MAP3K8: variants seen among roughly 807,000 people sequenced by gnomAD.
MAP3K8 encodes mitogen-activated protein kinase kinase kinase 8.
A neutral mutation model predicts 45.8 loss-of-function variants in MAP3K8; 22 were observed. That is an observed-to-expected ratio of 0.48 (90% confidence interval 0.34 to 0.69). The LOEUF is 0.69. Ranked by LOEUF, MAP3K8 falls within the 30% of genes least tolerant of loss-of-function variation. The pLI is 0.01. For synonymous variants in MAP3K8, 223 were observed against 214.3 expected (o/e 1.04, Z -0.36); for missense variants, 419 against 585.0 (o/e 0.72, Z 2.93).
At chr10:30,438,645 C>T (rs1437596911) in intron 2 of MAP3K8, among the ~76,000 whole-genome samples, 2 of 152,120 alleles carry the variant, frequency 1.3e-5, no homozygotes, top group Non-Finnish European at 2.9e-5. Flanking sequence ...GTTTTCAGTG[C>T]CTGTAGCTGA....
chr10:30,450,123 C>T (rs1271856824), intron 4 of MAP3K8, 135 bp from the exon 5 acceptor site: 2 of 665,526 alleles, frequency 3.0e-6, no homozygotes, highest in Non-Finnish European at 4.9e-6. Flanking sequence ...TGTAACTGGG[C>T]AGTCCATTTT....
In MAP3K8 at chr10:30,439,015, T is replaced by C; in HGVS notation, c.77T>C (p.Val26Ala). 6.2e-7 allele frequency: 1 copy of C among 1,610,478 alleles called. No homozygotes were observed. The highest frequency in any genetic ancestry group is 8.5e-7 in the Non-Finnish European group (1 of 1,176,616). The change falls in exon 3 of 9, where the codon GTA becomes GCA. Residue 26 changes from valine to alanine, a missense_variant. Coordinates refer to ENST00000263056, the MANE Select transcript of MAP3K8 (RefSeq NM_005204.4). ...LLIKHLNVSD[V>A]IDIMENLYAS... ...ATTAAACATTTAAATGTGTCTGATG[T>C]AATAGACATTATGGAAAATCTTTAT...
In MAP3K8 at chr10:30,434,190, C is replaced by G. The variant is rs1835838004; in HGVS notation, c.-443C>G. 6.5e-6 allele frequency: 1 copy of G among 152,930 alleles called. No individual in the cohort carries two copies. Among genetic ancestry groups the G allele is most frequent in the African/African-American group, 2.4e-5 (1 of 41,460 alleles). The allele number at this position is 152,930 out of a possible 1,614,324, so 9.5% of individuals were successfully genotyped here. ...TGCGGGCGACGCGGGTCTCACTCGTCCGCTCCGCTCTGGACTGCGCGCCAC... is the reference window on the plus strand; with the variant it reads ...TGCGGGCGACGCGGGTCTCACTCGTGCGCTCCGCTCTGGACTGCGCGCCAC... On this transcript the variant is annotated 5_prime_UTR_variant, in exon 1 of 9. Transcript: ENST00000263056.
At chr10:30,441,820 G>C (rs1291827265) in intron 3 of MAP3K8, among the ~76,000 whole-genome samples, 2 of 152,178 alleles carry the variant, frequency 1.3e-5, no homozygotes, top group Non-Finnish European at 2.9e-5. Flanking sequence ...AGTAGTGAGG[G>C]AGGCAAGGCT....
intron 3 of MAP3K8, among the ~76,000 whole-genome samples, chr10:30,442,191 T>C (rs1483936546): frequency 1.3e-5 from 2 of 152,226 alleles, no homozygotes; most frequent in Non-Finnish European, 2.9e-5. Flanking sequence ...TAGGCAGTTA[T>C]AGCAGAGTAT....
rs149199668 is a variant in MAP3K8, at chr10:30,451,807, A to G, written c.873+63A>G. ...AAGAATAAAAAGGAAAAAATGTTCT[A>G]GAATTATTGTGGGAACGAAGGACAA... On this transcript the variant is annotated intron_variant, in intron 6 of 8. Coordinates refer to ENST00000263056, the MANE Select transcript of MAP3K8 (RefSeq NM_005204.4). The G allele has an allele frequency of 6.5e-5, 60 of 921,328 alleles. No homozygotes were observed. In the African/African-American group the frequency reaches 7.4e-4, roughly 11 times the overall value. 57.1% of individuals were successfully genotyped at this position (921,328 alleles called of 1,614,324 possible).
At chr10:30,435,972 T>C (rs542934860) in intron 1 of MAP3K8, among the ~76,000 whole-genome samples, 2 of 152,374 alleles carry the variant, frequency 1.3e-5, no homozygotes, top group South Asian at 2.1e-4. Flanking sequence ...TTTCTGTATA[T>C]GGAGGCAGCC....
At chr10:30,434,961 C>T (rs1319212962) in intron 1 of MAP3K8, among the ~76,000 whole-genome samples, 2 of 152,254 alleles carry the variant, frequency 1.3e-5, no homozygotes, top group South Asian at 2.1e-4. Context: ...CATAGCAGAA[C>T]ACGAAGGCTG....
chr10:30,453,915 A>AGAAGGAAGGAAGGAAGGAGG (rs1836639892), intron 6 of MAP3K8, among the ~76,000 whole-genome samples: 3 of 129,108 alleles, frequency 2.3e-5, no homozygotes, highest in African/African-American at 9.6e-5. Flanking sequence ...AGGGAGAGAG[A>AGAAGGAAGGAAGGAAGGAGG]GAAGGAAGGA....
chr10:30,436,266 A>G (rs1048663969), intron 1 of MAP3K8, among the ~76,000 whole-genome samples: 1 of 152,244 alleles, frequency 6.6e-6, no homozygotes, highest in Non-Finnish European at 1.5e-5. Context: ...AATAACTCAG[A>G]AACCATTAGC....
Position 30,437,345 on chromosome 10 carries a change from T to C in MAP3K8, c.-85T>C. The C allele has an allele frequency of 1.0e-6, 1 of 981,244 alleles. No homozygotes were observed. The highest frequency in any genetic ancestry group is 1.2e-6 in the Non-Finnish European group (1 of 826,076). 60.8% of individuals were successfully genotyped at this position (981,244 alleles called of 1,614,324 possible). On this transcript the variant is annotated 5_prime_UTR_variant, in exon 2 of 9. Transcript: ENST00000263056. ...TGACACAGCTTATTTACCATGCCCCTGACACTGCACTGAGCACTTTATGAG... is the reference window on the plus strand; with the variant it reads ...TGACACAGCTTATTTACCATGCCCCCGACACTGCACTGAGCACTTTATGAG...
At chr10:30,442,185 C>G (rs949555012) in intron 3 of MAP3K8, among the ~76,000 whole-genome samples, 3 of 152,234 alleles carry the variant, frequency 2.0e-5, no homozygotes, top group Non-Finnish European at 4.4e-5. Flanking sequence ...GTTGAATAGG[C>G]AGTTATAGCA....
intron 6 of MAP3K8, among the ~76,000 whole-genome samples, chr10:30,454,036 T>C (rs1836649147): frequency 6.6e-6 from 1 of 152,010 alleles, no homozygotes; most frequent in African/African-American, 2.4e-5. Flanking sequence ...TCACAGTTGA[T>C]TGTGATGGGC....
Position 30,450,292 on chromosome 10 carries a change from A to G in MAP3K8, c.539A>G (p.Glu180Gly). ...GATCAATTTAAGCCATCTGATGTGG[A>G]AATCCAGGCTTGCTTCCGGCACGAG... Reference protein sequence around the residue: ...PVDQFKPSDVEIQACFRHENI... With the variant: ...PVDQFKPSDVGIQACFRHENI... Residue 180 changes from glutamate to glycine, a missense_variant, in exon 5 of 9, where the codon GAA becomes GGA. Physicochemically the swap from Glu to Gly is moderately conservative, Grantham distance 98. Coordinates refer to ENST00000263056, the MANE Select transcript of MAP3K8 (RefSeq NM_005204.4). 6.2e-7 allele frequency: 1 copy of G among 1,609,686 alleles called. No individual in the cohort carries two copies. The highest frequency in any genetic ancestry group is 8.5e-7 in the Non-Finnish European group (1 of 1,176,620).
intron 3 of MAP3K8, among the ~76,000 whole-genome samples, chr10:30,446,285 A>G (rs1220646612): frequency 6.6e-6 from 1 of 152,220 alleles, no homozygotes; most frequent in African/African-American, 2.4e-5. Context: ...CTGTAATCCC[A>G]GAACTATAGG....
At chr10:30,458,277 G>GT in intron 7 of MAP3K8, 41 bp downstream of exon 7, 1 of 1,349,974 alleles carries the variant, frequency 7.4e-7, no homozygotes. Flanking sequence ...GCGGGGGGGG[G>GT]CGTTGAGTTA....
chr10:30,457,739 G>A (rs1251091670), intron 6 of MAP3K8, among the ~76,000 whole-genome samples: 2 of 152,090 alleles, frequency 1.3e-5, no homozygotes, highest in African/African-American at 2.4e-5. Context: ...TCCGCCTTCC[G>A]AGCTCAAGCG....
chr10:30,452,879 A>G (rs993123321), intron 6 of MAP3K8, among the ~76,000 whole-genome samples: 1 of 150,272 alleles, frequency 6.7e-6, no homozygotes, highest in African/African-American at 2.5e-5. Context: ...AGGTTTCACT[A>G]TGTTGGCCAG....
intron 6 of MAP3K8, among the ~76,000 whole-genome samples, chr10:30,452,342 A>G (rs1021770417): frequency 3.9e-5 from 6 of 151,968 alleles, no homozygotes; most frequent in African/African-American, 1.4e-4. Context: ...GGTGGCGGGC[A>G]CCTGTAATCC....
Sources: allele counts gnomAD v4.1 joint callset (sites outside exome capture counted in the v4.1 genomes callset), GRCh38; gene constraint gnomAD v4.1.1; transcripts MANE v1.5; gene names NCBI Gene and HGNC (gene_info 2026-07-23, HGNC 2026-07-21).